NSG1: variants seen among roughly 807,000 people sequenced by gnomAD.
NSG1 encodes neuronal vesicle trafficking-associated protein 1.
A neutral mutation model predicts 19.3 loss-of-function variants in NSG1; 9 were observed. That is an observed-to-expected ratio of 0.47 (90% CI 0.28 to 0.81). NSG1 has a LOEUF of 0.81. Ranked by LOEUF, NSG1 falls within the 40% of genes least tolerant of loss-of-function variation. The pLI is 0.11. For synonymous variants in NSG1, 104 were observed against 107.0 expected, an observed-to-expected ratio of 0.97 and a Z score of 0.17; for missense variants, 236 against 242.4, an observed-to-expected ratio of 0.97 and a Z score of 0.18.
At chr4:4,406,223 C>T (rs4989961) in intron 3 of NSG1, among the ~76,000 whole-genome samples, 30,307 of 151,938 alleles carry the variant, frequency 0.2, 3,711 homozygotes, top group African/African-American at 0.35. Flanking sequence ...GAGACGGGGT[C>T]TCACCATGCT....
chr4:4,387,834 C>T (rs1722813279), intron 2 of NSG1, 76 bp downstream of exon 2: 1 of 1,244,582 alleles, frequency 8.0e-7, no homozygotes, highest in South Asian at 1.3e-5. Flanking sequence ...ACAAAAGAAA[C>T]GCGCCGCGTG....
intron 2 of NSG1, among the ~76,000 whole-genome samples, chr4:4,391,077 A>C (rs1722964521): frequency 6.6e-6 from 1 of 152,220 alleles, no homozygotes; most frequent in African/African-American, 2.4e-5. Flanking sequence ...ATGGTGGCAC[A>C]GCAAGGCCAG....
At chr4:4,405,283 T>C (rs1240288382) in intron 3 of NSG1, among the ~76,000 whole-genome samples, 3 of 152,158 alleles carry the variant, frequency 2.0e-5, no homozygotes, top group African/African-American at 7.2e-5. Context: ...ATTTCCCCTC[T>C]TTATAAGGAC....
intron 3 of NSG1, among the ~76,000 whole-genome samples, chr4:4,395,209 C>A (rs1723191543): frequency 6.6e-6 from 1 of 152,240 alleles, no homozygotes; most frequent in Admixed American, 6.5e-5. Context: ...CAAAGTGCTG[C>A]TTCCCCAGGT....
chr4:4,387,880 C>T, intron 2 of NSG1, 122 bp downstream of exon 2: 2 of 815,960 alleles, frequency 2.5e-6, no homozygotes, highest in Admixed American at 2.3e-5. Context: ...GCTCGGGAGG[C>T]CGGAGGGAGC....
At chr4:4,390,714 C>A (rs775475561) in intron 2 of NSG1, among the ~76,000 whole-genome samples, 1 of 152,170 alleles carries the variant, frequency 6.6e-6, no homozygotes, top group Non-Finnish European at 1.5e-5. Flanking sequence ...AGTAAACAGT[C>A]CCTGGCAACG....
At position 4,387,712 on chromosome 4, in the gene NSG1, T is replaced by C. The variant is rs1233012738; in HGVS notation, c.83T>C (p.Met28Thr). The C allele has an allele frequency of 6.2e-7, 1 of 1,613,362 alleles. No individual in the cohort carries two copies. Among genetic ancestry groups the C allele is most frequent in the East Asian group, 2.2e-5 (1 of 44,828 alleles). The stretch of plus-strand genomic sequence containing the variant: ...GATGGCTTCGACACCATTCCCCTGA[T>C]GACGCCCCTCGATGTCAATCAGCTG... ...LEDGFDTIPL[M>T]TPLDVNQLQF... The change falls in exon 2 of 5, where the codon ATG (methionine) becomes ACG (threonine). Residue 28 changes from methionine (M) to threonine (T), a missense_variant. Transcript: ENST00000621129.
At chr4:4,408,163 G>A (rs1013699815) in intron 3 of NSG1, among the ~76,000 whole-genome samples, 6 of 152,136 alleles carry the variant, frequency 3.9e-5, no homozygotes, top group African/African-American at 1.4e-4. Context: ...CACTCTGCTG[G>A]AGGGTCTACC....
Position 4,387,683 on chromosome 4 carries a change from G to A in NSG1, c.54G>A (p.Leu18=), listed in dbSNP as rs1382209587. ...FAEKGTKQPL[L]EDGFDTIPLM... ...AGAAGGGCACCAAGCAGCCGCTGCT[G>A]GAGGATGGCTTCGACACCATTCCCC... is the stretch of plus-strand genomic sequence containing the variant. Residue 18 remains leucine (L), a synonymous_variant, in exon 2 of 5, where the codon CTG becomes CTA. Coordinates refer to ENST00000621129, the MANE Select transcript of NSG1 (RefSeq NM_014392.5). 4 of 1,613,776 alleles carry A rather than the reference G, an allele frequency of 2.5e-6. No homozygotes were observed. Among genetic ancestry groups the A allele is most frequent in the Admixed American group, 3.3e-5 (2 of 60,012 alleles).
At position 4,417,457 on chromosome 4, in the gene NSG1, A is replaced by G. The variant is rs1724639937; in HGVS notation, c.*22A>G. 1 of 1,605,904 alleles carries G rather than the reference A, an allele frequency of 6.2e-7. No homozygotes were observed. The highest frequency in any genetic ancestry group is 8.5e-7 in the Non-Finnish European group (1 of 1,172,616). On this transcript the variant is annotated 3_prime_UTR_variant, in exon 5 of 5. Transcript: ENST00000621129. ...TTAGCGGGATGGGCAAGTTCCTTAC[A>G]ATGTGTCACTTGCAAATAACAAAGG...
intron 3 of NSG1, among the ~76,000 whole-genome samples, chr4:4,404,612 ATGT>A (rs1325571397): frequency 2.6e-5 from 4 of 152,170 alleles, no homozygotes; most frequent in African/African-American, 4.8e-5. Flanking sequence ...CGATCATGGC[ATGT>A]TGTTGTAGAG....
At chr4:4,398,543 G>C (rs1363405290) in intron 3 of NSG1, among the ~76,000 whole-genome samples, 1 of 152,176 alleles carries the variant, frequency 6.6e-6, no homozygotes, top group Non-Finnish European at 1.5e-5. Flanking sequence ...TGTAAGATGT[G>C]ATGTGACCAT....
At chr4:4,398,599 C>T (rs568741395) in intron 3 of NSG1, among the ~76,000 whole-genome samples, 18 of 152,330 alleles carry the variant, frequency 1.2e-4, no homozygotes, top group African/African-American at 2.4e-4. Flanking sequence ...AGCTCAGCTA[C>T]GTTGTAGCAC....
chr4:4,391,375 G>C (rs1047342945), intron 2 of NSG1, 100 bp from the exon 3 acceptor site: 1 of 718,370 alleles, frequency 1.4e-6, no homozygotes, highest in African/African-American at 1.8e-5. Context: ...ATTTCTTCCT[G>C]GCAAATGGTG....
chr4:4,418,646 A>G lies in NSG1; in HGVS notation c.*1211A>G, dbSNP rs1214245953. The stretch of plus-strand genomic sequence containing the variant: ...TGTGTTGTTTCTGGTGTACGTGTCA[A>G]AAGTTTCAGTTTTTTAGATCAGAAA... On this transcript the variant is annotated 3_prime_UTR_variant, in exon 5 of 5. Coordinates refer to ENST00000621129, the MANE Select transcript of NSG1 (RefSeq NM_014392.5). 3 of 152,600 alleles carry G rather than the reference A, an allele frequency of 2.0e-5. No homozygotes were observed. Among genetic ancestry groups the G allele is most frequent in the African/African-American group, 7.2e-5 (3 of 41,434 alleles). 9.5% of individuals were successfully genotyped at this position (152,600 alleles called of 1,614,324 possible).
chr4:4,416,358 C>A (rs1208445079), intron 4 of NSG1, among the ~76,000 whole-genome samples: 1 of 152,172 alleles, frequency 6.6e-6, no homozygotes, highest in Non-Finnish European at 1.5e-5. Flanking sequence ...TTCACAAGGG[C>A]CTTGCAGGTA....
chr4:4,412,137 T>C (rs1724241551), intron 4 of NSG1, among the ~76,000 whole-genome samples: 1 of 152,198 alleles, frequency 6.6e-6, no homozygotes, highest in Non-Finnish European at 1.5e-5. Context: ...CACCATGGCA[T>C]GTGGTCCATC....
At chr4:4,396,161 A>G (rs1274433831) in intron 3 of NSG1, among the ~76,000 whole-genome samples, 1 of 152,228 alleles carries the variant, frequency 6.6e-6, no homozygotes, top group Admixed American at 6.5e-5. Context: ...ATGTTTCTCA[A>G]CCAAACCTAA....
intron 4 of NSG1, among the ~76,000 whole-genome samples, chr4:4,416,906 T>C (rs1384121822): frequency 6.6e-6 from 1 of 152,222 alleles, no homozygotes; most frequent in Non-Finnish European, 1.5e-5. Flanking sequence ...GGATATTTCA[T>C]AAGTTGTTGT....
Sources: allele counts gnomAD v4.1 joint callset (sites outside exome capture counted in the v4.1 genomes callset), GRCh38; gene constraint gnomAD v4.1.1; transcripts MANE v1.5; gene names NCBI Gene and HGNC (gene_info 2026-07-23, HGNC 2026-07-21).